Variants in KIF13B observed in about 807,000 individuals in gnomAD.
KIF13B encodes kinesin-like protein KIF13B.
In KIF13B, 127 loss-of-function variants were observed where a neutral mutation model predicts 222.0. The ratio of observed to expected loss-of-function variants is 0.57; its 90% CI spans 0.50 to 0.66. The LOEUF (loss-of-function observed/expected upper bound fraction) is 0.66, where lower values mean the gene tolerates loss of function less well. Ranked by LOEUF, KIF13B falls within the 30% of genes least tolerant of loss-of-function variation. The pLI is 0.00. For missense variants in KIF13B, 2,173 were observed against 2,379.0 expected (o/e 0.91, Z 1.80); for synonymous variants, 976 against 919.0 (o/e 1.06, Z -1.12).
At chr8:29,149,729 A>T (rs1368566805) in intron 15 of KIF13B, among the ~76,000 whole-genome samples, 1 of 152,154 alleles carries the variant, frequency 6.6e-6, no homozygotes, top group Non-Finnish European at 1.5e-5. Context: ...GGCCAACTTC[A>T]GGCCACAGAG....
chr8:29,094,098 T>G (rs1808415033), intron 36 of KIF13B, among the ~76,000 whole-genome samples: 1 of 152,096 alleles, frequency 6.6e-6, no homozygotes, highest in Admixed American at 6.5e-5. Flanking sequence ...GCCGCACATA[T>G]CACTAAATGA....
In KIF13B at chr8:29,173,963, T is replaced by C. The variant is rs532625197; in HGVS notation, c.945+2105A>G. Among the ~76,000 whole-genome samples, 4 of 150,088 alleles carry C rather than the reference T, an allele frequency of 2.7e-5. No homozygotes were observed. The East Asian group carries it at 7.8e-4, about 29-fold the overall frequency. ...GTCTCAAAAAAAAAAAAAAAACTCA[T>C]TTGGTAATGAAACGATTTAAAAAAA... On this transcript the variant is annotated intron_variant, in intron 10 of 39. Transcript: ENST00000524189.
chr8:29,155,316 A>G (rs1811469690), intron 14 of KIF13B, among the ~76,000 whole-genome samples: 1 of 150,268 alleles, frequency 6.7e-6, no homozygotes, highest in Admixed American at 6.6e-5. Flanking sequence ...GACTCCCCAC[A>G]GGAGAACATG....
At chr8:29,199,267 G>C (rs1204366559) in intron 2 of KIF13B, among the ~76,000 whole-genome samples, 1 of 151,998 alleles carries the variant, frequency 6.6e-6, no homozygotes, top group African/African-American at 2.4e-5. Context: ...TGGATGAAAG[G>C]CCTCACTTTA....
chr8:29,221,023 T>C (rs1814719678), intron 2 of KIF13B, among the ~76,000 whole-genome samples: 2 of 151,560 alleles, frequency 1.3e-5, no homozygotes, highest in Admixed American at 6.6e-5. Flanking sequence ...GCACCTGTAG[T>C]GTCACCTACT....
intron 1 of KIF13B, among the ~76,000 whole-genome samples, chr8:29,262,545 G>T (rs1587003544): frequency 6.6e-6 from 1 of 151,896 alleles, no homozygotes; most frequent in East Asian, 1.9e-4. Flanking sequence ...GGGGGTCCCG[G>T]GCGGTCCCGA....
intron 2 of KIF13B, among the ~76,000 whole-genome samples, chr8:29,205,698 T>C (rs1182465365): frequency 6.6e-6 from 1 of 152,168 alleles, no homozygotes; most frequent in Non-Finnish European, 1.5e-5. Context: ...AATTAATAGC[T>C]ATGAAATCAA....
intron 10 of KIF13B, 70 bp downstream of exon 10, chr8:29,175,998 G>T (rs1586883684): frequency 1.2e-6 from 1 of 836,248 alleles, no homozygotes; most frequent in Non-Finnish European, 2.0e-6. Flanking sequence ...GGGATTAACA[G>T]TCTACTCTTT....
chr8:29,081,708 A>T (rs909245627), intron 37 of KIF13B, among the ~76,000 whole-genome samples: 6 of 152,228 alleles, frequency 3.9e-5, no homozygotes, highest in Admixed American at 2.0e-4. Context: ...TTACTTCCTT[A>T]AACGTGGCTA....
At chr8:29,173,814 C>G (rs1372072349) in intron 10 of KIF13B, among the ~76,000 whole-genome samples, 2 of 151,450 alleles carry the variant, frequency 1.3e-5, no homozygotes, top group Non-Finnish European at 2.9e-5. Context: ...TGTGGCGGTG[C>G]GCACCTGTAA....
chr8:29,136,485 C>G (rs769029557), intron 21 of KIF13B, among the ~76,000 whole-genome samples: 38 of 151,974 alleles, frequency 2.5e-4, no homozygotes, highest in Non-Finnish European at 4.3e-4. Context: ...GAGACTGAGA[C>G]AGGAGAATCA....
In KIF13B at chr8:29,127,139, T is replaced by C; in HGVS notation, c.3205A>G (p.Thr1069Ala). 6.2e-7 allele frequency: 1 copy of C among 1,613,966 alleles called. No homozygotes were observed. The highest frequency in any genetic ancestry group is 1.3e-5 in the African/African-American group (1 of 75,054). ...AAACTTACATGGAAGGTCTCATGTG[T>C]TCTGGGGGCTCTGAGCGGTCTAACT... Reference protein sequence around the residue: ...VKVRPLRAPRTHETFHEEEED... With the variant: ...VKVRPLRAPRAHETFHEEEED... The change falls in exon 25 of 40, where the codon ACA (threonine) becomes GCA (alanine). Residue 1069 changes from threonine to alanine, a missense_variant. Thr to Ala is a moderately conservative substitution (Grantham distance 58, BLOSUM62 0). Around this residue, in one of 2 missense-constraint regions of KIF13B, gnomAD observed 1,480 missense variants for 1,722.8 expected, o/e 0.86. Coordinates refer to ENST00000524189, the MANE Select transcript of KIF13B (RefSeq NM_015254.4).
chr8:29,220,526 T>C (rs1814694436), intron 2 of KIF13B, among the ~76,000 whole-genome samples: 1 of 150,674 alleles, frequency 6.6e-6, no homozygotes, highest in African/African-American at 2.5e-5. Context: ...TTCTGAATGT[T>C]TCTAAGTAAA....
At position 29,070,482 on chromosome 8, in the gene KIF13B, A is replaced by G; in HGVS notation, c.*22T>C. 7 of 1,607,508 alleles carry G rather than the reference A, an allele frequency of 4.4e-6. No homozygotes were observed. The highest frequency in any genetic ancestry group is 5.9e-6 in the Non-Finnish European group (7 of 1,177,458). On this transcript the variant is annotated 3_prime_UTR_variant, in exon 40 of 40. Transcript: ENST00000524189. This position sits in a 1 kb window ranked among gnomAD's most constrained non-coding sequence, Gnocchi z 4.1. ...CAAAAGGGGCCGGGCACCCCCAGAA[A>G]AGTTCGCCCTAAGGCAGCGGCTCAG... is the stretch of plus-strand genomic sequence containing the variant.
chr8:29,187,245 C>T (rs189242277), intron 5 of KIF13B, among the ~76,000 whole-genome samples: 18 of 152,108 alleles, frequency 1.2e-4, no homozygotes, highest in African/African-American at 3.6e-4. Flanking sequence ...ATTATTTTCT[C>T]GGCTGAATGC....
chr8:29,094,912 T>G (rs769812255), intron 36 of KIF13B, among the ~76,000 whole-genome samples: 1 of 150,100 alleles, frequency 6.7e-6, no homozygotes, highest in Non-Finnish European at 1.5e-5. Flanking sequence ...CTGGATGTGC[T>G]TAACAGAGCC....
Position 29,124,105 on chromosome 8 carries a change from G to A in KIF13B, c.3271C>T (p.Leu1091Phe). The part of the protein sequence containing the change: ...DSYQDRDLER[L>F]RRKWLNALTK... ...AATGCATTTAGCCATTTTCTACGAA[G>A]TCTCTCTAAATCTCGATCCTGGAAG... The change falls in exon 27 of 40, where the codon CTT becomes TTT. Residue 1091 changes from leucine (L) to phenylalanine (F), a missense_variant. By Grantham distance (22) the Leu-to-Phe change is conservative (BLOSUM62 0). Coordinates refer to ENST00000524189, the MANE Select transcript of KIF13B (RefSeq NM_015254.4). 2.5e-6 allele frequency: 4 copies of A among 1,610,240 alleles called. No homozygotes were observed. Among genetic ancestry groups the A allele is most frequent in the Non-Finnish European group, 3.4e-6 (4 of 1,176,832 alleles).
chr8:29,106,548 C>T (rs1226564323), intron 35 of KIF13B, among the ~76,000 whole-genome samples: 3 of 137,128 alleles, frequency 2.2e-5, no homozygotes, highest in Non-Finnish European at 4.6e-5. Context: ...AGGAGAATCA[C>T]TTGAACCTGG....
intron 2 of KIF13B, among the ~76,000 whole-genome samples, chr8:29,214,225 C>A (rs1472387407): frequency 6.6e-6 from 1 of 152,186 alleles, no homozygotes; most frequent in Non-Finnish European, 1.5e-5. Flanking sequence ...ACTAACCAAC[C>A]TTAGCTTACT....
Sources: allele counts gnomAD v4.1 joint callset (sites outside exome capture counted in the v4.1 genomes callset), GRCh38; gene constraint gnomAD v4.1.1; regional missense constraint gnomAD v4.1.1; non-coding constraint Gnocchi (gnomAD v3.1); transcripts MANE v1.5; gene names NCBI Gene and HGNC (gene_info 2026-07-23, HGNC 2026-07-21).